FUT9: variants seen among roughly 807,000 people sequenced by gnomAD.
FUT9 encodes fucosyltransferase 9, also known as 4-galactosyl-N-acetylglucosaminide 3-alpha-L-fucosyltransferase 9.
In FUT9, 15 loss-of-function variants were observed where a neutral mutation model predicts 29.7. The ratio of observed to expected loss-of-function variants is 0.51; its 90% CI spans 0.34 to 0.78. The LOEUF (loss-of-function observed/expected upper bound fraction) is 0.78. FUT9 is among the 30% of genes least tolerant of loss of function. The pLI, the probability that FUT9 is intolerant of heterozygous loss-of-function variation, is 0.01. For missense variants in FUT9, 319 were observed against 425.4 expected (o/e 0.75, Z 2.20); for synonymous variants, 169 against 153.7 (o/e 1.10, Z -0.74).
At chr6:96,077,622 C>G (rs140673229) in intron 1 of FUT9, among the ~76,000 whole-genome samples, 10,493 of 152,184 alleles carry the variant, frequency 0.069, 455 homozygotes, top group South Asian at 0.12. Context: ...AGTGATCATT[C>G]TGTAGATTCC....
chr6:96,201,878 A>T (rs1224378622), intron 2 of FUT9, among the ~76,000 whole-genome samples: 1 of 151,294 alleles, frequency 6.6e-6, no homozygotes, highest in Non-Finnish European at 1.5e-5. Context: ...AAGCTTTGCT[A>T]CTCAGAGAGT....
At chr6:96,175,669 G>A (rs1011950306) in intron 2 of FUT9, among the ~76,000 whole-genome samples, 1 of 152,134 alleles carries the variant, frequency 6.6e-6, no homozygotes, top group Non-Finnish European at 1.5e-5. Context: ...ATAAGTAAAT[G>A]AATGCACATT....
At chr6:96,134,622 T>A (rs1336306055) in intron 2 of FUT9, among the ~76,000 whole-genome samples, 1 of 151,910 alleles carries the variant, frequency 6.6e-6, no homozygotes, top group African/African-American at 2.4e-5. Context: ...ATACACTATT[T>A]CATGGGACTA....
intron 1 of FUT9, among the ~76,000 whole-genome samples, chr6:96,044,600 C>G (rs1429443160): frequency 6.6e-6 from 1 of 152,206 alleles, no homozygotes; most frequent in Non-Finnish European, 1.5e-5. Context: ...AATTGAAACT[C>G]TTAGACTAGA....
rs544594569 is a variant in FUT9, at chr6:96,214,028, G to A, written c.*9793G>A. 7 of 167,004 alleles carry A rather than the reference G, an allele frequency of 4.2e-5. No homozygotes were observed. The Admixed American group carries it at 4.6e-4, about 11-fold the overall frequency. The allele number at this position is 167,004 out of a possible 1,614,324, so 10.3% of individuals were successfully genotyped here. ...AAGTCCCTTTTCAACATTTGGTAAA[G>A]TGAAAATGTTATTCATAGTGCTAAT... On this transcript the variant is annotated 3_prime_UTR_variant, in exon 3 of 3. Coordinates refer to ENST00000302103, the MANE Select transcript of FUT9 (RefSeq NM_006581.4).
In FUT9 at chr6:96,209,785, C is replaced by T. The variant is rs1042475905; in HGVS notation, c.*5550C>T. On this transcript the variant is annotated 3_prime_UTR_variant, in exon 3 of 3. Coordinates refer to ENST00000302103, the MANE Select transcript of FUT9 (RefSeq NM_006581.4). ...TTCTGTCAGTTTTACTCAAAGCATG[C>T]TTCCTAGGTCACCTGACCTAGAATC... The T allele has an allele frequency of 4.2e-5, 7 of 166,728 alleles. No homozygotes were observed. Among genetic ancestry groups the T allele is most frequent in the Non-Finnish European group, 8.8e-5 (6 of 68,032 alleles). The allele number at this position is 166,728 out of a possible 1,614,324, so 10.3% of individuals were successfully genotyped here. A position where few individuals can be genotyped will look rare whatever the true frequency, so the allele number is the denominator to read the frequency against.
intron 2 of FUT9, among the ~76,000 whole-genome samples, chr6:96,126,460 C>T (rs1013993584): frequency 2.0e-5 from 3 of 152,182 alleles, no homozygotes; most frequent in Admixed American, 1.3e-4. Flanking sequence ...CTTCAGGCCC[C>T]GCCTCCAACA....
chr6:96,059,578 T>C (rs6938464), intron 1 of FUT9, among the ~76,000 whole-genome samples: 5,036 of 152,228 alleles, frequency 0.033, 299 homozygotes, highest in African/African-American at 0.11. Flanking sequence ...ATAACAATCT[T>C]AAGGTTGGAG....
At chr6:96,167,433 T>C (rs1773034472) in intron 2 of FUT9, among the ~76,000 whole-genome samples, 2 of 152,132 alleles carry the variant, frequency 1.3e-5, no homozygotes, top group East Asian at 1.9e-4. Context: ...AGGGGTAATA[T>C]GGAAATTGCA....
chr6:96,055,218 G>A (rs1021317822), intron 1 of FUT9, among the ~76,000 whole-genome samples: 1 of 151,996 alleles, frequency 6.6e-6, no homozygotes, highest in Non-Finnish European at 1.5e-5. Flanking sequence ...AACATTTAAT[G>A]TTACACATTT....
chr6:96,072,515 A>G lies in FUT9; in HGVS notation c.-97-41524A>G, dbSNP rs145158127. 3.1e-3 allele frequency among the ~76,000 whole-genome samples: 475 copies of G among 152,236 alleles called. 1 individual carries two copies. The highest frequency in any genetic ancestry group is 0.011 in the African/African-American group (445 of 41,524). ...CTTTAAAAACAAAACAAGGGAGAGG[A>G]TCATGTTTAAAATTACTATTCCATA... On this transcript the variant is annotated intron_variant, in intron 1 of 2. Transcript: ENST00000302103.
At chr6:96,039,875 A>G (rs571824328) in intron 1 of FUT9, among the ~76,000 whole-genome samples, 126 of 152,306 alleles carry the variant, frequency 8.3e-4, no homozygotes, top group South Asian at 1.4e-3. Context: ...GTTTTCTTAT[A>G]AAGTGTTTCT....
At chr6:96,094,409 G>A (rs960454117) in intron 1 of FUT9, among the ~76,000 whole-genome samples, 2 of 152,102 alleles carry the variant, frequency 1.3e-5, no homozygotes, top group African/African-American at 4.8e-5. Context: ...ATATGGCAAA[G>A]AGAACACATA....
In FUT9 at chr6:96,114,147, C is replaced by G. The variant is rs1771868206; in HGVS notation, c.-9+20C>G. 6.6e-6 allele frequency: 1 copy of G among 152,068 alleles called. No individual in the cohort carries two copies. Among genetic ancestry groups the G allele is most frequent in the Non-Finnish European group, 1.5e-5 (1 of 67,998 alleles). 9.4% of individuals were successfully genotyped at this position (152,068 alleles called of 1,614,324 possible). A position where few individuals can be genotyped will look rare whatever the true frequency, so the allele number is the denominator to read the frequency against. ...TATATTGTAAGTATATATTTACTTT[C>G]TCAATCTAGCTTGATTGTGGGAGAA... On this transcript the variant is annotated intron_variant, in intron 2 of 2. Transcript: ENST00000302103.
At chr6:96,065,557 T>A (rs1329193457) in intron 1 of FUT9, among the ~76,000 whole-genome samples, 1 of 152,174 alleles carries the variant, frequency 6.6e-6, no homozygotes, top group Non-Finnish European at 1.5e-5. Flanking sequence ...TTGTTCTATC[T>A]CTTTAAGCTC....
chr6:96,180,805 T>A (rs1002168807), intron 2 of FUT9, among the ~76,000 whole-genome samples: 4 of 152,070 alleles, frequency 2.6e-5, no homozygotes, highest in Admixed American at 6.6e-5. Context: ...TATTCTATTG[T>A]GTATATTTTC....
In FUT9 at chr6:96,155,886, C is replaced by T. The variant is rs564079916; in HGVS notation, c.-9+41759C>T. 2.0e-5 allele frequency among the ~76,000 whole-genome samples: 3 copies of T among 152,210 alleles called. No homozygotes were observed. The East Asian group carries it at 5.8e-4, about 29-fold the overall frequency. Reference sequence around the variant, plus strand: ...ACTGTGAGGAAATAAATTTCTGCTGCTTAATCTACCCAGTTTGTGGTATTT... The same window carrying T: ...ACTGTGAGGAAATAAATTTCTGCTGTTTAATCTACCCAGTTTGTGGTATTT... On this transcript the variant is annotated intron_variant, in intron 2 of 2. Coordinates refer to ENST00000302103, the MANE Select transcript of FUT9 (RefSeq NM_006581.4).
intron 1 of FUT9, among the ~76,000 whole-genome samples, chr6:96,111,238 T>C (rs928095605): frequency 2.0e-5 from 3 of 152,030 alleles, no homozygotes; most frequent in African/African-American, 7.2e-5. Flanking sequence ...ATAACAGAAA[T>C]TGAGTGTCTC....
chr6:96,169,511 G>A (rs1042121256), intron 2 of FUT9, among the ~76,000 whole-genome samples: 6 of 152,158 alleles, frequency 3.9e-5, no homozygotes, highest in Admixed American at 3.9e-4. Flanking sequence ...GAGTGGTTTT[G>A]TTGCTAATAG....
Sources: gnomAD v4.1 joint callset for allele counts (sites outside exome capture counted in the v4.1 genomes callset) on GRCh38, gnomAD v4.1.1 for gene constraint, MANE v1.5 for transcripts, NCBI Gene and HGNC (gene_info 2026-07-23, HGNC 2026-07-21) for gene names.